The following NELL2 variants were observed in gnomAD, a reference collection of about 807,000 sequenced individuals.
NELL2 encodes the protein neural EGFL like 2.
NELL2 carries 41 observed loss-of-function variants against 109.6 expected under a neutral mutation model. The ratio of observed to expected loss-of-function variants is 0.37; its 90% CI spans 0.29 to 0.49. NELL2 has a LOEUF of 0.49. NELL2 is among the 20% of genes least tolerant of loss of function. The pLI, the probability that NELL2 is intolerant of heterozygous loss-of-function variation, is 0.98. For synonymous variants in NELL2, 355 were observed against 344.7 expected (o/e 1.03, Z -0.33); for missense variants, 900 against 1,008.3 (o/e 0.89, Z 1.45).
At chr12:44,539,675 A>G (rs1942460242) in intron 15 of NELL2, among the ~76,000 whole-genome samples, 1 of 151,980 alleles carries the variant, frequency 6.6e-6, no homozygotes, top group African/African-American at 2.4e-5. Flanking sequence ...CATTTCCTTC[A>G]CCTCCAAAAT....
intron 2 of NELL2, among the ~76,000 whole-genome samples, chr12:44,835,761 C>G (rs1944036126): frequency 6.6e-6 from 1 of 152,162 alleles, no homozygotes; most frequent in African/African-American, 2.4e-5. Context: ...TTGGCAACAC[C>G]TGACACTTTG....
chr12:44,862,117 T>C (rs959066221), intron 2 of NELL2, among the ~76,000 whole-genome samples: 1 of 152,206 alleles, frequency 6.6e-6, no homozygotes, highest in African/African-American at 2.4e-5. Context: ...TATAAATAAT[T>C]CAATAAAATC....
intron 12 of NELL2, among the ~76,000 whole-genome samples, chr12:44,692,099 C>G (rs1597808): frequency 0.23 from 34,406 of 152,050 alleles, 4,660 homozygotes; most frequent in African/African-American, 0.39. Flanking sequence ...GCTAGAGAGA[C>G]AGAAGTCAAT....
intron 13 of NELL2, among the ~76,000 whole-genome samples, chr12:44,620,124 T>G (rs1945996696): frequency 7.9e-6 from 1 of 127,138 alleles, no homozygotes; most frequent in African/African-American, 5.0e-5. Context: ...GGGTTTTGTT[T>G]TTTTTTTTTT....
intron 15 of NELL2, among the ~76,000 whole-genome samples, chr12:44,549,472 TA>T (rs1942939350): frequency 6.6e-6 from 1 of 152,158 alleles, no homozygotes. Context: ...ACATGAAAAA[TA>T]AACTTCTATT....
intron 12 of NELL2, among the ~76,000 whole-genome samples, chr12:44,686,721 C>T (rs1948729625): frequency 6.6e-6 from 1 of 152,100 alleles, no homozygotes; most frequent in Non-Finnish European, 1.5e-5. Flanking sequence ...CCCAGTTAGT[C>T]TGCTCGGGGG....
intron 12 of NELL2, among the ~76,000 whole-genome samples, chr12:44,695,943 C>T (rs1014522088): frequency 6.6e-6 from 1 of 151,748 alleles, no homozygotes; most frequent in Non-Finnish European, 1.5e-5. Flanking sequence ...ATGATTGCAC[C>T]ACTGCACTCC....
At chr12:44,847,262 C>T (rs1167493109) in intron 2 of NELL2, among the ~76,000 whole-genome samples, 6 of 152,116 alleles carry the variant, frequency 3.9e-5, no homozygotes, top group African/African-American at 1.2e-4. Flanking sequence ...CCCTCATTCT[C>T]GTGAAGTAAG....
chr12:44,733,347 T>C (rs572459491), intron 9 of NELL2, among the ~76,000 whole-genome samples: 114 of 152,078 alleles, frequency 7.5e-4, no homozygotes, highest in African/African-American at 2.3e-3. Context: ...AAATGTAGTA[T>C]ATACATACAA....
chr12:44,574,335 A>G (rs1193719553), intron 15 of NELL2, among the ~76,000 whole-genome samples: 1 of 152,160 alleles, frequency 6.6e-6, no homozygotes, highest in Non-Finnish European at 1.5e-5. Flanking sequence ...TTACAAAAAG[A>G]GTTGAAATTT....
chr12:44,685,961 C>T (rs1378879772), intron 12 of NELL2, among the ~76,000 whole-genome samples: 1 of 152,118 alleles, frequency 6.6e-6, no homozygotes, highest in Non-Finnish European at 1.5e-5. Context: ...GAATGTTGGC[C>T]TGCCTTGATA....
At chr12:44,607,777 A>T (rs1945459008) in intron 14 of NELL2, among the ~76,000 whole-genome samples, 1 of 152,068 alleles carries the variant, frequency 6.6e-6, no homozygotes. Flanking sequence ...AACCAATAGT[A>T]AGAAAAATTC....
At chr12:44,680,084 A>G (rs1948446928) in intron 12 of NELL2, among the ~76,000 whole-genome samples, 1 of 152,158 alleles carries the variant, frequency 6.6e-6, no homozygotes, top group African/African-American at 2.4e-5. Context: ...AAAAATTAGA[A>G]ACTAATTTAG....
chr12:44,776,007 A>G lies in NELL2; in HGVS notation c.891+15T>C. 1 of 1,609,624 alleles carries G rather than the reference A, an allele frequency of 6.2e-7. No individual in the cohort carries two copies. The highest frequency in any genetic ancestry group is 8.5e-7 in the Non-Finnish European group (1 of 1,178,702). ...ATCTGAGTTCCCTTAGTCTCAACTC[A>G]AATAGAAGCCATACCAGGCATGTGC... On this transcript the variant is annotated intron_variant, in intron 8 of 19. Transcript: ENST00000429094.
chr12:44,837,048 T>C (rs1171225270), intron 2 of NELL2, among the ~76,000 whole-genome samples: 1 of 152,150 alleles, frequency 6.6e-6, no homozygotes, highest in Non-Finnish European at 1.5e-5. Flanking sequence ...CACTGGATGC[T>C]TAATATCTAG....
At chr12:44,719,239 A>G (rs1938644409) in intron 9 of NELL2, among the ~76,000 whole-genome samples, 1 of 152,232 alleles carries the variant, frequency 6.6e-6, no homozygotes, top group Admixed American at 6.5e-5. Flanking sequence ...CAGATTGAGA[A>G]ATGGATAAGT....
chr12:44,772,698 G>A (rs964845466), intron 9 of NELL2, among the ~76,000 whole-genome samples: 1 of 151,874 alleles, frequency 6.6e-6, no homozygotes, highest in African/African-American at 2.4e-5. Context: ...TCTATTCCAT[G>A]GTACTTATAT....
chr12:44,900,787 G>T (rs532900228), intron 1 of NELL2, among the ~76,000 whole-genome samples: 4 of 152,152 alleles, frequency 2.6e-5, no homozygotes, highest in South Asian at 2.1e-4. Flanking sequence ...TCAAGAGATC[G>T]AGACCTTCCT....
chr12:44,758,620 T>C (rs1455135782), intron 9 of NELL2, among the ~76,000 whole-genome samples: 1 of 152,198 alleles, frequency 6.6e-6, no homozygotes, highest in African/African-American at 2.4e-5. Flanking sequence ...CATTAGATAC[T>C]GTCAAGTGAT....
Sources: gnomAD v4.1 joint callset for allele counts (sites outside exome capture counted in the v4.1 genomes callset) on GRCh38, gnomAD v4.1.1 for gene constraint, MANE v1.5 for transcripts, NCBI Gene and HGNC (gene_info 2026-07-23, HGNC 2026-07-21) for gene names.